PRKDC: variants seen among roughly 807,000 people sequenced by gnomAD.
The protein encoded by PRKDC is protein kinase, DNA-activated, catalytic subunit, also known as DNA-dependent protein kinase catalytic subunit.
Under a neutral mutation model 486.9 loss-of-function variants are expected in PRKDC, and 82 were observed. The observed-to-expected ratio is 0.17, with a 90% CI of 0.14 to 0.20. The LOEUF (loss-of-function observed/expected upper bound fraction) is 0.20. Ranked by LOEUF, PRKDC falls within the 10% of genes least tolerant of loss-of-function variation. The pLI is 1.00. For missense variants in PRKDC, 4,504 were observed against 5,038.2 expected, an observed-to-expected ratio of 0.89 and a Z score of 3.21; for synonymous variants, 1,895 against 1,837.0, an observed-to-expected ratio of 1.03 and a Z score of -0.81.
At chr8:47,840,341 G>A (rs1437664262) in intron 54 of PRKDC, among the ~76,000 whole-genome samples, 152 bp from the exon 55 acceptor site, 1 of 152,094 alleles carries the variant, frequency 6.6e-6, no homozygotes, top group East Asian at 1.9e-4. Flanking sequence ...AAATGATCAT[G>A]GACTAGATTA....
chr8:47,802,667 T>C (rs924084652), intron 70 of PRKDC, among the ~76,000 whole-genome samples: 6 of 151,656 alleles, frequency 4.0e-5, no homozygotes, highest in African/African-American at 1.2e-4. Flanking sequence ...TTTTTTTTCT[T>C]TTTGAGATGG....
At chr8:47,799,435 T>C in intron 71 of PRKDC, 45 bp from the exon 72 acceptor site, 6 of 1,429,064 alleles carry the variant, frequency 4.2e-6, no homozygotes, top group Non-Finnish European at 5.5e-6. Flanking sequence ...ACTGAAGCTT[T>C]CTCAAAGAAC....
chr8:47,788,895 C>A lies in PRKDC; in HGVS notation c.10902+11G>T. 6.4e-7 allele frequency: 1 copy of A among 1,559,580 alleles called. No individual in the cohort carries two copies. Among genetic ancestry groups the A allele is most frequent in the Non-Finnish European group, 8.6e-7 (1 of 1,157,990 alleles). On this transcript the variant is annotated intron_variant, in intron 76 of 85. Transcript: ENST00000314191. ...TCTGCTATCAAAATAGCAGGCTGTG[C>A]CAGTCCATACCTGAATAAACTTCCT...
chr8:47,779,967 T>A (rs2086671574), intron 80 of PRKDC, among the ~76,000 whole-genome samples: 1 of 145,572 alleles, frequency 6.9e-6, no homozygotes, highest in Non-Finnish European at 1.5e-5. Flanking sequence ...CAGGCTGGAG[T>A]GCATTGGTGC....
At chr8:47,911,822 T>C (rs1422788112) in intron 25 of PRKDC, among the ~76,000 whole-genome samples, 1 of 151,688 alleles carries the variant, frequency 6.6e-6, no homozygotes, top group East Asian at 1.9e-4. Context: ...CAAACTAGAG[T>C]GCAGTGGCGT....
intron 54 of PRKDC, among the ~76,000 whole-genome samples, chr8:47,841,336 T>A (rs2088138401): frequency 6.6e-6 from 1 of 152,252 alleles, no homozygotes; most frequent in East Asian, 1.9e-4. Flanking sequence ...TATCCCCTGC[T>A]GAATGCTGGG....
At chr8:47,783,942 A>C (rs1589692882) in intron 77 of PRKDC, 133 bp from the exon 78 acceptor site, 4 of 872,104 alleles carry the variant, frequency 4.6e-6, no homozygotes, top group African/African-American at 3.4e-5. Flanking sequence ...GTTTTCACTT[A>C]AAGGGAACTG....
chr8:47,857,373 T>A (rs879697221), intron 48 of PRKDC, 74 bp from the exon 49 acceptor site: 271 of 1,450,838 alleles, frequency 1.9e-4, no homozygotes, highest in Non-Finnish European at 2.4e-4. Context: ...AGACTGTATC[T>A]TCCATCAGCT....
At position 47,788,933 on chromosome 8, in the gene PRKDC, C is replaced by T; in HGVS notation, c.10875G>A (p.Leu3625=). 1 of 1,605,158 alleles carries T rather than the reference C, an allele frequency of 6.2e-7. No homozygotes were observed. Among genetic ancestry groups the T allele is most frequent in the Non-Finnish European group, 8.5e-7 (1 of 1,177,170 alleles). ...AALGDPKAPG[L]GAFRRKFIQT... ...GAATAAACTTCCTTCTAAAGGCCCC[C>T]AGGCCTGGAGCCTTTGGGTCACCCA... The change falls in exon 76 of 86, where the codon CTG becomes CTA. Residue 3625 remains leucine, a synonymous_variant. Transcript: ENST00000314191.
chr8:47,882,555 G>C (rs1383329626), intron 36 of PRKDC, among the ~76,000 whole-genome samples: 1 of 151,232 alleles, frequency 6.6e-6, no homozygotes, highest in Non-Finnish European at 1.5e-5. Flanking sequence ...ACATACTTCC[G>C]GTCCCACCAC....
At chr8:47,804,047 C>A (rs2087165620) in intron 69 of PRKDC, among the ~76,000 whole-genome samples, 1 of 152,124 alleles carries the variant, frequency 6.6e-6, no homozygotes, top group East Asian at 1.9e-4. Context: ...TTTTCACTAC[C>A]CCAAAAAGAA....
chr8:47,855,565 G>A (rs2154500435), intron 49 of PRKDC, among the ~76,000 whole-genome samples, 192 bp from the exon 50 acceptor site: 1 of 152,342 alleles, frequency 6.6e-6, no homozygotes, highest in African/African-American at 2.4e-5. Context: ...CGCCGGCGCT[G>A]CAATCTCAGA....
chr8:47,830,874 G>A (rs2087851470), intron 60 of PRKDC, 138 bp from the exon 61 acceptor site: 4 of 1,031,076 alleles, frequency 3.9e-6, no homozygotes, highest in Non-Finnish European at 2.9e-6. Flanking sequence ...AGGCTCAGTC[G>A]CCGTACTTTA....
At chr8:47,951,889 A>G (rs1000905776) in intron 7 of PRKDC, among the ~76,000 whole-genome samples, 1 of 152,212 alleles carries the variant, frequency 6.6e-6, no homozygotes, top group Non-Finnish European at 1.5e-5. Context: ...CATCAGGGAA[A>G]CGGAAATCAA....
rs183370880 is a variant in PRKDC at position 47,795,469 on chromosome 8, G to T, written c.10459-968C>A. Among the ~76,000 whole-genome samples the T allele has an allele frequency of 1.4e-4, 21 of 146,978 alleles. No homozygotes were observed. The South Asian group carries it at 4.4e-3, about 31-fold the overall frequency. On this transcript the variant is annotated intron_variant, in intron 73 of 85. Coordinates refer to ENST00000314191, the MANE Select transcript of PRKDC (RefSeq NM_006904.7). ...CTCCCAAAGGGCTGGGATTACAGGC[G>T]TGAGCCACCGCACCCGGCCTTTTTT...
intron 37 of PRKDC, 127 bp downstream of exon 37, chr8:47,881,785 T>C (rs2089224599): frequency 2.4e-6 from 2 of 832,708 alleles, no homozygotes; most frequent in Non-Finnish European, 1.8e-6. Context: ...TAAGCAACCA[T>C]CCTGTCAAAA....
rs2088561200 is a variant in PRKDC at position 47,857,170 on chromosome 8, A to G, written c.6595T>C (p.Leu2199=). 6.2e-7 allele frequency: 1 copy of G among 1,613,730 alleles called. No individual in the cohort carries two copies. Among genetic ancestry groups the G allele is most frequent in the South Asian group, 1.1e-5 (1 of 91,034 alleles). Residue 2199 remains leucine, a synonymous_variant, in exon 49 of 86, where the codon TTG becomes CTG. Transcript: ENST00000314191. ...TCAATCCTTACTGTTGGAGTGGCCAAGCCTGTCCATGAAAGAATAGTGGCC... is the reference window on the plus strand; with the variant it reads ...TCAATCCTTACTGTTGGAGTGGCCAGGCCTGTCCATGAAAGAATAGTGGCC... ...IVATILSWTG[L]ATPTGVPKDE...
rs1468916716 is a variant in PRKDC, at chr8:47,879,546, C to T, written c.5180G>A (p.Arg1727Lys). The change falls in exon 39 of 86, where the codon AGG becomes AAG. Residue 1727 changes from arginine (R) to lysine (K), a missense_variant. Around this residue, in one of 6 missense-constraint regions of PRKDC, gnomAD observed 1,969 missense variants for 2,068.9 expected, o/e 0.95. Transcript: ENST00000314191. Reference sequence around the variant, plus strand: ...CCGCGGAGTTCCTGGAGGAAATTCCCTGGACTGCATGGGGAAGTGAGCAAC... The same window carrying T: ...CCGCGGAGTTCCTGGAGGAAATTCCTTGGACTGCATGGGGAAGTGAGCAAC... ...LIVAHFPMQSREFPPGTPRFN... is the reference protein window; with the variant it reads ...LIVAHFPMQSKEFPPGTPRFN... The T allele has an allele frequency of 6.3e-7, 1 of 1,597,712 alleles. No homozygotes were observed. The highest frequency in any genetic ancestry group is 8.5e-7 in the Non-Finnish European group (1 of 1,171,788).
At chr8:47,827,924 G>A (rs143637884) in intron 62 of PRKDC, among the ~76,000 whole-genome samples, 87 of 152,280 alleles carry the variant, frequency 5.7e-4, no homozygotes, top group Non-Finnish European at 1.1e-3. Context: ...TGAAGGGACT[G>A]GCTTATTACA....
Sources: allele counts gnomAD v4.1 joint callset (sites outside exome capture counted in the v4.1 genomes callset), GRCh38; gene constraint gnomAD v4.1.1; regional missense constraint gnomAD v4.1.1; transcripts MANE v1.5; gene names NCBI Gene and HGNC (gene_info 2026-07-23, HGNC 2026-07-21).